Variants in CABIN1 observed in about 807,000 individuals in gnomAD.
CABIN1 encodes calcineurin binding protein 1.
In CABIN1, 133 loss-of-function variants were observed where a neutral mutation model predicts 227.7. That is an observed-to-expected ratio of 0.58 (90% CI 0.51 to 0.67). The LOEUF (loss-of-function observed/expected upper bound fraction) is 0.67, where lower values mean the gene tolerates loss of function less well. Among genes scored for constraint, CABIN1 ranks in the 30% least tolerant of loss-of-function variants. The pLI, the probability that CABIN1 is intolerant of heterozygous loss-of-function variation, is 0.00. For synonymous variants in CABIN1, 1,086 were observed against 1,155.1 expected (o/e 0.94, Z 1.21); for missense variants, 2,408 against 2,852.5 (o/e 0.84, Z 3.55).
chr22:24,092,950 C>G (rs1424329507), intron 24 of CABIN1, among the ~76,000 whole-genome samples: 1 of 152,160 alleles, frequency 6.6e-6, no homozygotes, highest in African/African-American at 2.4e-5. Context: ...CCTGCCTGCC[C>G]TAGTGCCCTG....
At chr22:24,158,856 G>T (rs1443326332) in intron 29 of CABIN1, among the ~76,000 whole-genome samples, 1 of 152,142 alleles carries the variant, frequency 6.6e-6, no homozygotes, top group South Asian at 2.1e-4. Context: ...CCTACTCAGG[G>T]GTAGCCTGGA....
At chr22:24,073,650 AGGAG>A (rs2040245580) in intron 18 of CABIN1, among the ~76,000 whole-genome samples, 1 of 151,976 alleles carries the variant, frequency 6.6e-6, no homozygotes, top group African/African-American at 2.4e-5. Flanking sequence ...GTGGATGGAG[AGGAG>A]GGCACCTGAT....
chr22:24,042,817 ACTGT>A lies in CABIN1; in HGVS notation c.346-86_346-83del, dbSNP rs1165909127. The A allele has an allele frequency of 9.3e-5, 54 of 577,630 alleles. No individual in the cohort carries two copies. The African/African-American group carries it at 2.6e-3, about 27-fold the overall frequency. The allele number at this position is 577,630 out of a possible 1,614,324, so 35.8% of individuals were successfully genotyped here. ...GGGTGCATATTCAAGGAGAGATCTG[ACTGT>A]GTGTGTGTGTGTGTGTGTGTGTGTG... is the stretch of plus-strand genomic sequence containing the variant. On this transcript the variant is annotated intron_variant, in intron 5 of 36. Coordinates refer to ENST00000263119, the MANE Select transcript of CABIN1 (RefSeq NM_012295.4).
chr22:24,040,868 G>A (rs1400549449), intron 4 of CABIN1, among the ~76,000 whole-genome samples: 1 of 152,198 alleles, frequency 6.6e-6, no homozygotes, highest in Non-Finnish European at 1.5e-5. Flanking sequence ...CCTCAGGCAT[G>A]GCAGTAGTGG....
chr22:24,134,727 C>T (rs1158992473), intron 29 of CABIN1, among the ~76,000 whole-genome samples: 2 of 152,222 alleles, frequency 1.3e-5, no homozygotes, highest in East Asian at 1.9e-4. Context: ...CAGGTTTCCT[C>T]CTCCTGCTGG....
intron 1 of CABIN1, among the ~76,000 whole-genome samples, chr22:24,023,162 T>C (rs1445829338): frequency 6.6e-6 from 1 of 152,238 alleles, no homozygotes; most frequent in Non-Finnish European, 1.5e-5. Context: ...CTTTTGTATA[T>C]GGCCTATTTT....
intron 1 of CABIN1, among the ~76,000 whole-genome samples, chr22:24,029,404 T>C (rs1358894062): frequency 6.6e-6 from 1 of 152,142 alleles, no homozygotes; most frequent in Non-Finnish European, 1.5e-5. Flanking sequence ...ATTAAAAATT[T>C]AGCCAGGCAT....
At chr22:24,074,284 A>G (rs576966467) in intron 18 of CABIN1, among the ~76,000 whole-genome samples, 55 of 152,312 alleles carry the variant, frequency 3.6e-4, no homozygotes, top group African/African-American at 1.1e-3. Context: ...AGGAATAGTC[A>G]AATACCTTAA....
intron 33 of CABIN1, chr22:24,170,084 G>A: frequency 2.2e-6 from 1 of 454,672 alleles, no homozygotes; most frequent in Admixed American, 2.3e-5. Flanking sequence ...GGAGTGGCAG[G>A]GAGGAGGCCC....
chr22:24,087,228 GGTAGGTCTTCTTAGCC>G (rs755143225), intron 22 of CABIN1, among the ~76,000 whole-genome samples: 19 of 152,200 alleles, frequency 1.2e-4, no homozygotes, highest in Non-Finnish European at 2.4e-4. Flanking sequence ...CTTCTCTTGA[GGTAGGTCTTCTTAGCC>G]CTGTGTCACA....
chr22:24,110,433 T>C (rs1026610169), intron 26 of CABIN1, among the ~76,000 whole-genome samples: 4 of 152,258 alleles, frequency 2.6e-5, no homozygotes, highest in African/African-American at 9.6e-5. Context: ...TAAACAATAA[T>C]GTTTTAGAAA....
At position 24,019,120 on chromosome 22, in the gene CABIN1, G is replaced by GTTTTTTT. The variant is rs945660140; in HGVS notation, c.-75+7775_-75+7781dup. ...ATATTGTGCAACTTCACTGAGTGTT[G>GTTTTTTT]TTTTTTTTTTTTTTTTTTTTTTTTT... On this transcript the variant is annotated intron_variant, in intron 1 of 36. Transcript: ENST00000263119. Among the ~76,000 whole-genome samples the GTTTTTTT allele has an allele frequency of 1.7e-4, 7 of 40,216 alleles. 1 individual carries two copies. The highest frequency in any genetic ancestry group is 1.3e-3 in the South Asian group (1 of 772). The allele number at this position is 40,216 out of a possible 152,430, so 26.4% of individuals were successfully genotyped here.
intron 27 of CABIN1, among the ~76,000 whole-genome samples, chr22:24,116,269 C>A (rs187838096): frequency 1.6e-4 from 24 of 152,286 alleles, no homozygotes; most frequent in African/African-American, 5.8e-4. Context: ...TCCACAGTTT[C>A]ATCACTTAAA....
chr22:24,100,713 CAGGG>C (rs1297485967), intron 26 of CABIN1, among the ~76,000 whole-genome samples: 1 of 152,172 alleles, frequency 6.6e-6, no homozygotes, highest in Non-Finnish European at 1.5e-5. Context: ...GGAGGTCAGA[CAGGG>C]AGGCAAGTGC....
chr22:24,167,670 T>C (rs1055769652), intron 32 of CABIN1, among the ~76,000 whole-genome samples: 17 of 152,206 alleles, frequency 1.1e-4, no homozygotes, highest in Non-Finnish European at 2.4e-4. Flanking sequence ...CATTTTGCCT[T>C]CTTTTTTTAA....
chr22:24,079,809 T>C (rs940487964), intron 19 of CABIN1, among the ~76,000 whole-genome samples: 6 of 152,232 alleles, frequency 3.9e-5, no homozygotes, highest in Non-Finnish European at 8.8e-5. Context: ...TCCAGTCTTT[T>C]ATCTGATACA....
intron 29 of CABIN1, among the ~76,000 whole-genome samples, chr22:24,161,807 C>G (rs2046171167): frequency 6.6e-6 from 1 of 152,192 alleles, no homozygotes; most frequent in African/African-American, 2.4e-5. Flanking sequence ...CTGGCCATGC[C>G]CCTTCCTCCT....
chr22:24,148,797 G>A (rs2045313597), intron 29 of CABIN1, among the ~76,000 whole-genome samples: 3 of 152,340 alleles, frequency 2.0e-5, no homozygotes, highest in Admixed American at 6.5e-5. Flanking sequence ...GCACCCCCCT[G>A]CAGCCTAGGC....
intron 29 of CABIN1, among the ~76,000 whole-genome samples, chr22:24,144,793 C>T (rs141078625): frequency 1.3e-5 from 2 of 152,320 alleles, no homozygotes; most frequent in Non-Finnish European, 2.9e-5. Flanking sequence ...TGCTGTGCTC[C>T]GTGTTGCTGT....
Sources: gnomAD v4.1 joint callset for allele counts (sites outside exome capture counted in the v4.1 genomes callset) on GRCh38, gnomAD v4.1.1 for gene constraint, MANE v1.5 for transcripts, NCBI Gene and HGNC (gene_info 2026-07-23, HGNC 2026-07-21) for gene names.